MAP3K5: variants seen among roughly 807,000 people sequenced by gnomAD.
MAP3K5 encodes the protein mitogen-activated protein kinase kinase kinase 5.
In MAP3K5, 56 loss-of-function variants were observed where a neutral mutation model predicts 158.7. That is an observed-to-expected ratio of 0.35 (90% CI 0.28 to 0.44). The LOEUF is 0.44. MAP3K5 is among the 20% of genes least tolerant of loss of function. The probability of loss-of-function intolerance (pLI) is 1.00; values close to 1 mark genes in which losing one functional copy is unlikely to be tolerated. For synonymous variants in MAP3K5, 579 were observed against 601.7 expected, an observed-to-expected ratio of 0.96 and a Z score of 0.55; for missense variants, 1,294 against 1,674.8, an observed-to-expected ratio of 0.77 and a Z score of 3.97.
chr6:136,754,545 C>T (rs918549737), intron 1 of MAP3K5, among the ~76,000 whole-genome samples: 7 of 150,880 alleles, frequency 4.6e-5, no homozygotes, highest in Non-Finnish European at 1.0e-4. Flanking sequence ...GCATGCACCA[C>T]TGCACTCCAG....
At position 136,606,843 on chromosome 6, in the gene MAP3K5, T is replaced by G. The variant is rs73556251; in HGVS notation, c.2522-1477A>C. On this transcript the variant is annotated intron_variant, in intron 18 of 29. Coordinates refer to ENST00000359015, the MANE Select transcript of MAP3K5 (RefSeq NM_005923.4). ...TTTAGGTGAAAACAATTGTGTAAAA[T>G]TCCTGCAAACTGTTCCTCTGAAAAG... Among the ~76,000 whole-genome samples the G allele has an allele frequency of 5.4e-3, 822 of 152,340 alleles. 6 individuals are homozygous for G. Among genetic ancestry groups the G allele is most frequent in the African/African-American group, 0.019 (787 of 41,584 alleles).
At chr6:136,627,526 T>C (rs1305779465) in intron 14 of MAP3K5, among the ~76,000 whole-genome samples, 2 of 152,168 alleles carry the variant, frequency 1.3e-5, no homozygotes, top group Non-Finnish European at 2.9e-5. Context: ...CCTCAAAATC[T>C]GTATGTTGAA....
At chr6:136,702,959 G>A (rs1184822085) in intron 3 of MAP3K5, among the ~76,000 whole-genome samples, 1 of 151,932 alleles carries the variant, frequency 6.6e-6, no homozygotes, top group Non-Finnish European at 1.5e-5. Context: ...GCCTCCCAAA[G>A]TGCTGGGATT....
chr6:136,649,672 T>C (rs973552870), intron 11 of MAP3K5, among the ~76,000 whole-genome samples: 4 of 152,238 alleles, frequency 2.6e-5, no homozygotes, highest in African/African-American at 9.6e-5. Context: ...GGTTAAACTC[T>C]GGGGTTTCAA....
intron 1 of MAP3K5, among the ~76,000 whole-genome samples, chr6:136,736,731 CT>C (rs1782477059): frequency 1.3e-5 from 2 of 152,050 alleles, no homozygotes; most frequent in Non-Finnish European, 2.9e-5. Context: ...CACTCTGTCA[CT>C]CAGGCTGGAG....
intron 8 of MAP3K5, among the ~76,000 whole-genome samples, chr6:136,660,446 A>T (rs1279494483): frequency 2.0e-5 from 3 of 152,134 alleles, no homozygotes; most frequent in Non-Finnish European, 1.5e-5. Context: ...AACTAGACTG[A>T]CAGATAATAC....
At chr6:136,780,320 C>T (rs1028665340) in intron 1 of MAP3K5, among the ~76,000 whole-genome samples, 1 of 152,178 alleles carries the variant, frequency 6.6e-6, no homozygotes, top group Non-Finnish European at 1.5e-5. Context: ...GAATAGATGA[C>T]TCCAACATTT....
intron 7 of MAP3K5, among the ~76,000 whole-genome samples, chr6:136,671,790 A>T (rs980482911): frequency 6.6e-5 from 9 of 137,008 alleles, no homozygotes; most frequent in East Asian, 2.1e-4. Flanking sequence ...ATTTTTTTGT[A>T]TTTTTTTTTT....
intron 25 of MAP3K5, 63 bp downstream of exon 25, chr6:136,580,238 G>T: frequency 9.1e-7 from 1 of 1,094,452 alleles, no homozygotes; most frequent in Non-Finnish European, 1.4e-6. Context: ...AGAAATAACA[G>T]ATGAACAGTA....
At chr6:136,659,494 G>T in intron 8 of MAP3K5, 116 bp from the exon 9 acceptor site, 3 of 962,028 alleles carry the variant, frequency 3.1e-6, no homozygotes, top group Non-Finnish European at 4.7e-6. Context: ...AAACAGCTTT[G>T]TTAAGTTTCT....
chr6:136,718,384 T>C (rs1376773070), intron 2 of MAP3K5, among the ~76,000 whole-genome samples: 4 of 152,244 alleles, frequency 2.6e-5, no homozygotes, highest in Admixed American at 6.5e-5. Flanking sequence ...TTGTATTTAG[T>C]AGAGACAAGG....
chr6:136,748,536 G>A (rs1163404821), intron 1 of MAP3K5, among the ~76,000 whole-genome samples: 4 of 152,158 alleles, frequency 2.6e-5, no homozygotes, highest in Non-Finnish European at 2.9e-5. Context: ...ATATGGGGGA[G>A]TGTTCTTCGC....
chr6:136,595,622 C>T (rs891692312), intron 21 of MAP3K5, among the ~76,000 whole-genome samples: 1 of 152,128 alleles, frequency 6.6e-6, no homozygotes, highest in Admixed American at 6.5e-5. Flanking sequence ...GGATGCATAT[C>T]GTACTTATAT....
chr6:136,720,494 T>C lies in MAP3K5; in HGVS notation c.544A>G (p.Ile182Val), dbSNP rs762428983. Residue 182 changes from isoleucine to valine, a missense_variant, in exon 2 of 30, where the codon ATC becomes GTC. By Grantham distance (29) the Ile-to-Val change is conservative. This residue lies in a region of MAP3K5 where 690 missense variants were observed against 870.5 expected (regional missense o/e 0.79). Transcript: ENST00000359015. Reference protein sequence around the residue: ...RESFSMANNIILYCDTNSDSL... With the variant: ...RESFSMANNIVLYCDTNSDSL... ...TCCGAGTTAGTATCACAGTAGAGGA[T>C]GATGTTGTTGGCCATGCTGAAACTT... The C allele has an allele frequency of 1.2e-6, 2 of 1,613,394 alleles. No homozygotes were observed. The highest frequency in any genetic ancestry group is 1.7e-5 in the Admixed American group (1 of 59,936).
intron 17 of MAP3K5, 148 bp downstream of exon 17, chr6:136,612,972 G>T (rs1265857722): frequency 1.9e-5 from 14 of 738,836 alleles, no homozygotes; most frequent in Non-Finnish European, 2.9e-5. Context: ...CTGATTCAGG[G>T]TTGAACGATA....
intron 7 of MAP3K5, among the ~76,000 whole-genome samples, chr6:136,693,560 C>A (rs1003749758): frequency 3.3e-5 from 5 of 151,288 alleles, no homozygotes; most frequent in Non-Finnish European, 7.4e-5. Context: ...AATTTTTCTA[C>A]AAAATTATAT....
intron 7 of MAP3K5, among the ~76,000 whole-genome samples, chr6:136,676,565 GGGTCT>G (rs1040921890): frequency 1.3e-5 from 2 of 151,802 alleles, no homozygotes; most frequent in Admixed American, 6.6e-5. Flanking sequence ...TATTTACACA[GGGTCT>G]GTCATGAGAA....
intron 1 of MAP3K5, among the ~76,000 whole-genome samples, chr6:136,767,177 T>C (rs917449219): frequency 2.0e-5 from 3 of 152,054 alleles, no homozygotes; most frequent in African/African-American, 4.8e-5. Flanking sequence ...AGGTAAGAGG[T>C]AGATAAGGTA....
rs897486770 is a variant in MAP3K5, at chr6:136,757,586, A to ATTTT, written c.448+34120_448+34123dup. On this transcript the variant is annotated intron_variant, in intron 1 of 29. Coordinates refer to ENST00000359015, the MANE Select transcript of MAP3K5 (RefSeq NM_005923.4). ...TTATAGATTTATTTATTTATTTTTT[A>ATTTT]TTTTTTTTTTTTTTTTTTGAGACGG... Among the ~76,000 whole-genome samples the ATTTT allele has an allele frequency of 4.9e-4, 62 of 127,802 alleles. 1 individual carries two copies. Among genetic ancestry groups the ATTTT allele is most frequent in the East Asian group, 9.1e-4 (4 of 4,392 alleles). 83.8% of individuals were successfully genotyped at this position (127,802 alleles called of 152,430 possible).
Sources: gnomAD v4.1 joint callset for allele counts (sites outside exome capture counted in the v4.1 genomes callset) on GRCh38, gnomAD v4.1.1 for gene constraint, gnomAD v4.1.1 regional missense constraint, MANE v1.5 for transcripts, NCBI Gene and HGNC (gene_info 2026-07-23, HGNC 2026-07-21) for gene names.